Variants in KCNQ1 observed in about 807,000 individuals in gnomAD.
The protein encoded by KCNQ1 is potassium voltage-gated channel subfamily KQT member 1.
In KCNQ1, 49 loss-of-function variants were observed where a neutral mutation model predicts 72.4. That is an observed-to-expected ratio of 0.68 (90% CI 0.54 to 0.86). KCNQ1 has a LOEUF of 0.86. Among genes scored for constraint, KCNQ1 ranks in the 40% least tolerant of loss-of-function variants. The pLI, the probability that KCNQ1 is intolerant of heterozygous loss-of-function variation, is 0.00. For synonymous variants in KCNQ1, 450 were observed against 412.6 expected (o/e 1.09, Z -1.10); for missense variants, 790 against 945.1 (o/e 0.84, Z 2.15).
At position 2,599,524 on chromosome 11, in the gene KCNQ1, G is replaced by C. The variant is rs1848772547; in HGVS notation, c.1393+10670G>C. Among the ~76,000 whole-genome samples, 1 of 152,140 alleles carries C rather than the reference G, an allele frequency of 6.6e-6. No homozygotes were observed. Among genetic ancestry groups the C allele is most frequent in the South Asian group, 2.1e-4 (1 of 4,822 alleles). On this transcript the variant is annotated intron_variant, in intron 10 of 15. Coordinates refer to ENST00000155840, the MANE Select transcript of KCNQ1 (RefSeq NM_000218.3). This position sits in a 1 kb window ranked among gnomAD's most constrained non-coding sequence, Gnocchi z 4.7. ...CTATGTACAGAACTTTTATTTCTAT[G>C]TGTTAACTTTCCAGGATGTATTAGT...
chr11:2,806,800 GC>G (rs1395358427), intron 15 of KCNQ1, among the ~76,000 whole-genome samples: 1 of 152,178 alleles, frequency 6.6e-6, no homozygotes, highest in African/African-American at 2.4e-5. Flanking sequence ...CCTCTCTTGT[GC>G]CCTGAGAGAA....
At chr11:2,693,562 G>A (rs552089022) in intron 11 of KCNQ1, 18 of 398,524 alleles carry the variant, frequency 4.5e-5, no homozygotes, top group Non-Finnish European at 4.9e-5. Flanking sequence ...AAGGCTTTTC[G>A]GAGGAGCAGG....
At chr11:2,733,734 GGA>G (rs550699099) in intron 11 of KCNQ1, among the ~76,000 whole-genome samples, 213 of 150,598 alleles carry the variant, frequency 1.4e-3, no homozygotes, top group South Asian at 9.9e-3. Flanking sequence ...CAGAGGCAGT[GGA>G]GAGGGGTCTA....
At position 2,654,419 on chromosome 11, in the gene KCNQ1, A is replaced by G. The variant is rs1388825283; in HGVS notation, c.1394-7542A>G. On this transcript the variant is annotated intron_variant, in intron 10 of 15. Transcript: ENST00000155840. This position sits in a 1 kb window ranked among gnomAD's most constrained non-coding sequence, Gnocchi z 6.4. ...CGCCTGTGCCAAACCCTGGGGAGAC[A>G]TGGGTGAGGCAGAAGGCAAGGTTCC... 1.0e-5 allele frequency: 4 copies of G among 398,494 alleles called. No homozygotes were observed. Among genetic ancestry groups the G allele is most frequent in the East Asian group, 7.1e-5 (2 of 28,086 alleles). The allele number at this position is 398,494 out of a possible 1,614,324, so 24.7% of individuals were successfully genotyped here. A position where few individuals can be genotyped will look rare whatever the true frequency, so the allele number is the denominator to read the frequency against.
At chr11:2,844,331 G>A (rs1019608349) in intron 15 of KCNQ1, among the ~76,000 whole-genome samples, 4 of 152,180 alleles carry the variant, frequency 2.6e-5, no homozygotes, top group Non-Finnish European at 4.4e-5. Context: ...CCCACATCCT[G>A]GCCCACCCCC....
intron 2 of KCNQ1, among the ~76,000 whole-genome samples, chr11:2,557,887 C>T (rs1314714342): frequency 3.3e-5 from 5 of 152,184 alleles, no homozygotes; most frequent in Non-Finnish European, 7.3e-5. Context: ...TTGTTTTGTT[C>T]CCTTATGTCT....
In KCNQ1 at chr11:2,535,916, AGGGTGTGGGATGCACAGCTG is replaced by A. The variant is rs528721993; in HGVS notation, c.477+7902_477+7921del. ...CACCCTGCCTCCAGTGTTCTGCTTC[AGGGTGTGGGATGCACAGCTG>A]GGGGCAGGGGCGCTGCTGAAGCCAC... On this transcript the variant is annotated intron_variant, in intron 2 of 15. Transcript: ENST00000155840. Among the ~76,000 whole-genome samples the A allele has an allele frequency of 3.3e-5, 5 of 152,280 alleles. No individual in the cohort carries two copies. In the South Asian group the frequency reaches 1.0e-3, roughly 32 times the overall value.
At chr11:2,615,479 CTT>C (rs1301142551) in intron 10 of KCNQ1, 1 of 397,870 alleles carries the variant, frequency 2.5e-6, no homozygotes, top group Non-Finnish European at 4.4e-6. Flanking sequence ...ATATCTTACT[CTT>C]TGTTATGGGA....
intron 15 of KCNQ1, among the ~76,000 whole-genome samples, chr11:2,778,239 A>T (rs994696975): frequency 4.6e-5 from 7 of 152,244 alleles, no homozygotes; most frequent in Non-Finnish European, 2.9e-5. Flanking sequence ...CCATGGAAGG[A>T]GCCAGGCCAG....
rs1845755325 is a variant in KCNQ1, at chr11:2,725,999, A to AC, written c.1515-42841dup. ...CGCCAAGAAAAACAGCAGGCTAAAG[A>AC]CCCCTGATTTCTTCATGAATTCCAG... On this transcript the variant is annotated intron_variant, in intron 11 of 15. Coordinates refer to ENST00000155840, the MANE Select transcript of KCNQ1 (RefSeq NM_000218.3). This position sits in a 1 kb window ranked among gnomAD's most constrained non-coding sequence, Gnocchi z 7.2. 6.6e-6 allele frequency among the ~76,000 whole-genome samples: 1 copy of AC among 152,018 alleles called. No individual in the cohort carries two copies. Among genetic ancestry groups the AC allele is most frequent in the Non-Finnish European group, 1.5e-5 (1 of 68,004 alleles).
chr11:2,583,362 G>A (rs911066893), intron 6 of KCNQ1, 73 bp from the exon 7 acceptor site: 3 of 1,035,694 alleles, frequency 2.9e-6, no homozygotes, highest in Non-Finnish European at 4.6e-6. Flanking sequence ...AGAGTGGTGG[G>A]TTTGGGTTAG....
rs1466938212 is a variant in KCNQ1 at position 2,711,164 on chromosome 11, G to A, written c.1514+49083G>A. 6.6e-6 allele frequency among the ~76,000 whole-genome samples: 1 copy of A among 152,202 alleles called. No homozygotes were observed. The highest frequency in any genetic ancestry group is 2.4e-5 in the African/African-American group (1 of 41,444). On this transcript the variant is annotated intron_variant, in intron 11 of 15. Coordinates refer to ENST00000155840, the MANE Select transcript of KCNQ1 (RefSeq NM_000218.3). The surrounding 1 kb of genome is among the most constrained non-coding windows in gnomAD (Gnocchi z 5.4). Reference sequence around the variant, plus strand: ...AAATTTGGTTCAAGAATATCTCATAGTTTTCAGTATAGTTTTTGCACTACT... The same window carrying A: ...AAATTTGGTTCAAGAATATCTCATAATTTTCAGTATAGTTTTTGCACTACT...
In KCNQ1 at chr11:2,492,234, G is replaced by GA. The variant is rs1381062922; in HGVS notation, c.387-35690dup. Among the ~76,000 whole-genome samples, 1 of 151,946 alleles carries GA rather than the reference G, an allele frequency of 6.6e-6. No individual in the cohort carries two copies. Among genetic ancestry groups the GA allele is most frequent in the Non-Finnish European group, 1.5e-5 (1 of 68,026 alleles). On this transcript the variant is annotated intron_variant, in intron 1 of 15. Coordinates refer to ENST00000155840, the MANE Select transcript of KCNQ1 (RefSeq NM_000218.3). The surrounding 1 kb of genome is among the most constrained non-coding windows in gnomAD (Gnocchi z 4.1). ...CTACTCATATATTAAGTAGAAGGAT[G>GA]AAAAGAAGAACTGATAAATAATGAC...
intron 15 of KCNQ1, among the ~76,000 whole-genome samples, chr11:2,814,527 C>T (rs2237890): frequency 0.094 from 13,863 of 146,966 alleles, 762 homozygotes; most frequent in East Asian, 0.2. Flanking sequence ...GATAAAGAGA[C>T]GGCTGGGTGG....
intron 11 of KCNQ1, chr11:2,666,406 C>T (rs958585570): frequency 5.0e-6 from 2 of 398,696 alleles, no homozygotes; most frequent in Non-Finnish European, 8.8e-6. Context: ...TGAGCAAAAA[C>T]AGCCCCGTGT....
Position 2,536,479 on chromosome 11 carries a change from G to C in KCNQ1, c.477+8461G>C, listed in dbSNP as rs956122905. Among the ~76,000 whole-genome samples, 1 of 152,148 alleles carries C rather than the reference G, an allele frequency of 6.6e-6. No individual in the cohort carries two copies. Among genetic ancestry groups the C allele is most frequent in the East Asian group, 1.9e-4 (1 of 5,190 alleles). On this transcript the variant is annotated intron_variant, in intron 2 of 15. Transcript: ENST00000155840. This position sits in a 1 kb window ranked among gnomAD's most constrained non-coding sequence, Gnocchi z 7.4. ...AGGGCTCAGCAGTTGCCTGGCCTGT[G>C]GGGGCAGAGGACCTGGGGAGACATG... is the stretch of plus-strand genomic sequence containing the variant.
rs1270993619 is a variant in KCNQ1, at chr11:2,734,970, G to T, written c.1515-33874G>T. Among the ~76,000 whole-genome samples the T allele has an allele frequency of 1.3e-5, 2 of 152,064 alleles. No individual in the cohort carries two copies. Among genetic ancestry groups the T allele is most frequent in the African/African-American group, 2.4e-5 (1 of 41,394 alleles). On this transcript the variant is annotated intron_variant, in intron 11 of 15. Coordinates refer to ENST00000155840, the MANE Select transcript of KCNQ1 (RefSeq NM_000218.3). The surrounding 1 kb of genome is among the most constrained non-coding windows in gnomAD (Gnocchi z 7.0). ...GACACATGTGCCCCGGAGTGGCCGC[G>T]TGCCCAGCCGGCTGTGCACGCTGCC... is the stretch of plus-strand genomic sequence containing the variant.
intron 10 of KCNQ1, chr11:2,632,375 T>C: frequency 5.0e-6 from 2 of 398,414 alleles, no homozygotes; most frequent in Middle Eastern, 1.3e-3. Flanking sequence ...TTTTCCATAT[T>C]CTTTGGCTAG....
intron 2 of KCNQ1, among the ~76,000 whole-genome samples, chr11:2,535,801 TG>T (rs1268496597): frequency 6.6e-6 from 1 of 152,222 alleles, no homozygotes; most frequent in Non-Finnish European, 1.5e-5. Flanking sequence ...GCCGCTTTGC[TG>T]GGCGTAGGAT....
Sources: allele counts gnomAD v4.1 joint callset (sites outside exome capture counted in the v4.1 genomes callset), GRCh38; gene constraint gnomAD v4.1.1; non-coding constraint Gnocchi (gnomAD v3.1); transcripts MANE v1.5; gene names NCBI Gene and HGNC (gene_info 2026-07-23, HGNC 2026-07-21).